Variants in GMDS observed in about 807,000 individuals in gnomAD.
The protein encoded by GMDS is GDP-mannose 4,6 dehydratase.
In GMDS, 20 loss-of-function variants were observed where a neutral mutation model predicts 49.9. That is an observed-to-expected ratio of 0.40 (90% CI 0.28 to 0.58). The LOEUF (loss-of-function observed/expected upper bound fraction) is 0.58, where lower values mean the gene tolerates loss of function less well. GMDS is among the 20% of genes least tolerant of loss of function. The pLI is 0.42. For missense variants in GMDS, 362 were observed against 481.4 expected (o/e 0.75, Z 2.32); for synonymous variants, 177 against 178.6 (o/e 0.99, Z 0.07).
At chr6:1,987,103 T>C (rs1362518249) in intron 4 of GMDS, among the ~76,000 whole-genome samples, 1 of 152,170 alleles carries the variant, frequency 6.6e-6, no homozygotes. Context: ...CAGAGCCAGC[T>C]GTGCTAGAAG....
At chr6:2,222,493 G>A (rs1353516629) in intron 1 of GMDS, among the ~76,000 whole-genome samples, 1 of 152,194 alleles carries the variant, frequency 6.6e-6, no homozygotes, top group East Asian at 1.9e-4. Flanking sequence ...TTAAGCACTG[G>A]TGAATGTAAA....
At chr6:1,985,509 C>T (rs1765493049) in intron 4 of GMDS, among the ~76,000 whole-genome samples, 1 of 151,904 alleles carries the variant, frequency 6.6e-6, no homozygotes, top group Admixed American at 6.6e-5. Flanking sequence ...GACTTTGAAA[C>T]ATCTCTCTTT....
chr6:1,681,562 GC>G (rs1294857557), intron 9 of GMDS, among the ~76,000 whole-genome samples: 1 of 152,186 alleles, frequency 6.6e-6, no homozygotes, highest in African/African-American at 2.4e-5. Flanking sequence ...GTCTACGACT[GC>G]CAGGGAAGGC....
chr6:1,740,145 T>A (rs1053810958), intron 8 of GMDS, among the ~76,000 whole-genome samples: 1 of 152,226 alleles, frequency 6.6e-6, no homozygotes, highest in African/African-American at 2.4e-5. Flanking sequence ...CTTGTTTAAG[T>A]ATAATCTGTG....
intron 7 of GMDS, among the ~76,000 whole-genome samples, chr6:1,843,983 C>T (rs1757268993): frequency 6.6e-6 from 1 of 152,220 alleles, no homozygotes. Flanking sequence ...AACTCGCCCT[C>T]AGCATCTCTC....
intron 4 of GMDS, among the ~76,000 whole-genome samples, chr6:1,997,617 G>A (rs988383546): frequency 1.3e-5 from 2 of 151,902 alleles, no homozygotes; most frequent in Non-Finnish European, 2.9e-5. Flanking sequence ...CCCCTGTGGT[G>A]GCTTCCTAAA....
chr6:1,716,832 C>T (rs550648028), intron 9 of GMDS, among the ~76,000 whole-genome samples: 4 of 152,338 alleles, frequency 2.6e-5, no homozygotes, highest in East Asian at 3.9e-4. Context: ...CAAAGCCCTG[C>T]TCTAAAACTC....
At chr6:2,158,936 C>A (rs1368841502) in intron 1 of GMDS, among the ~76,000 whole-genome samples, 1 of 152,176 alleles carries the variant, frequency 6.6e-6, no homozygotes, top group Non-Finnish European at 1.5e-5. Context: ...CAAAAAGCAT[C>A]AAGCTTAACT....
At chr6:2,210,558 G>C (rs1212473794) in intron 1 of GMDS, among the ~76,000 whole-genome samples, 1 of 152,100 alleles carries the variant, frequency 6.6e-6, no homozygotes, top group African/African-American at 2.4e-5. Context: ...AAGGAAATCA[G>C]CTAGGGGCTT....
Position 1,769,341 on chromosome 6 carries a change from C to T in GMDS, c.772-26755G>A, listed in dbSNP as rs149291799. On this transcript the variant is annotated intron_variant, in intron 7 of 10. Transcript: ENST00000380815. ...ACTGGGGTAACAAATTCTCTCAAAG[C>T]TGGAGGAAATAAAGAAAATGACACT... 8.0e-3 allele frequency among the ~76,000 whole-genome samples: 1,223 copies of T among 152,314 alleles called. 8 individuals are homozygous for T. The highest frequency in any genetic ancestry group is 0.014 in the Non-Finnish European group (964 of 68,026).
intron 7 of GMDS, among the ~76,000 whole-genome samples, chr6:1,815,424 C>T (rs573949486): frequency 1.3e-5 from 2 of 152,250 alleles, no homozygotes; most frequent in African/African-American, 4.8e-5. Flanking sequence ...AAGTTCTAAA[C>T]GAAGGCTACA....
chr6:1,809,579 G>A (rs1016057634), intron 7 of GMDS, among the ~76,000 whole-genome samples: 7 of 152,274 alleles, frequency 4.6e-5, no homozygotes, highest in South Asian at 2.1e-4. Context: ...GTGCCTCTAC[G>A]TGGCATTTTA....
chr6:2,169,094 A>C (rs900942291), intron 1 of GMDS, among the ~76,000 whole-genome samples: 4 of 152,254 alleles, frequency 2.6e-5, no homozygotes, highest in African/African-American at 9.6e-5. Context: ...GGGAAAAAAA[A>C]CTAAAATTCT....
At chr6:1,811,311 T>C (rs1770420123) in intron 7 of GMDS, among the ~76,000 whole-genome samples, 1 of 152,238 alleles carries the variant, frequency 6.6e-6, no homozygotes, top group African/African-American at 2.4e-5. Flanking sequence ...TATGATGCCA[T>C]GAAGTTTGAA....
chr6:1,693,468 C>T (rs973703895), intron 9 of GMDS, among the ~76,000 whole-genome samples: 1 of 152,258 alleles, frequency 6.6e-6, no homozygotes, highest in African/African-American at 2.4e-5. Context: ...AGTCTCCCAG[C>T]AGTGAGCTAG....
At chr6:2,088,665 A>G (rs948194921) in intron 4 of GMDS, among the ~76,000 whole-genome samples, 22 of 152,150 alleles carry the variant, frequency 1.4e-4, no homozygotes, top group African/African-American at 5.1e-4. Flanking sequence ...TCTGATCACA[A>G]TCTTGATCCT....
chr6:1,941,947 TCA>T (rs566191913), intron 6 of GMDS, among the ~76,000 whole-genome samples: 74 of 152,234 alleles, frequency 4.9e-4, no homozygotes, highest in African/African-American at 1.3e-3. Context: ...CCCGCCTCGC[TCA>T]CCTCTCCCAC....
chr6:1,738,515 A>G (rs572219102), intron 8 of GMDS, among the ~76,000 whole-genome samples: 6 of 152,364 alleles, frequency 3.9e-5, no homozygotes, highest in African/African-American at 1.2e-4. Flanking sequence ...ATTACAACGG[A>G]TAAATTTTAA....
At chr6:2,239,380 C>T (rs948683006) in intron 1 of GMDS, among the ~76,000 whole-genome samples, 2 of 150,956 alleles carry the variant, frequency 1.3e-5, no homozygotes, top group African/African-American at 4.9e-5. Context: ...ACTGAAATTA[C>T]TGCACTGCTT....
Sources: allele counts gnomAD v4.1 joint callset (sites outside exome capture counted in the v4.1 genomes callset), GRCh38; gene constraint gnomAD v4.1.1; transcripts MANE v1.5; gene names NCBI Gene and HGNC (gene_info 2026-07-23, HGNC 2026-07-21).